Variants in KCNH8 observed in about 807,000 individuals in gnomAD.
KCNH8 encodes the protein voltage-gated delayed rectifier potassium channel KCNH8.
Under a neutral mutation model 103.6 loss-of-function variants are expected in KCNH8, and 70 were observed. That is an observed-to-expected ratio of 0.68 (90% CI 0.56 to 0.82). The LOEUF (loss-of-function observed/expected upper bound fraction) is 0.82. Ranked by LOEUF, KCNH8 falls within the 40% of genes least tolerant of loss-of-function variation. The probability of loss-of-function intolerance (pLI) is 0.00; values close to 1 mark genes in which losing one functional copy is unlikely to be tolerated. For missense variants in KCNH8, 1,217 were observed against 1,329.9 expected, an observed-to-expected ratio of 0.92 and a Z score of 1.32; for synonymous variants, 498 against 489.4, an observed-to-expected ratio of 1.02 and a Z score of -0.23.
intron 1 of KCNH8, among the ~76,000 whole-genome samples, chr3:19,155,314 C>T (rs1463252880): frequency 1.3e-5 from 2 of 152,032 alleles, no homozygotes; most frequent in Non-Finnish European, 2.9e-5. Context: ...GCAGAAATGC[C>T]CTAATTTGGT....
At position 19,384,496 on chromosome 3, in the gene KCNH8, G is replaced by A. The variant is rs530462610; in HGVS notation, c.812-5985G>A. ...ATATGTATGAAAAACAATAACATTT[G>A]GGACTTTAAGTTGGCAAAAGTTCAC... On this transcript the variant is annotated intron_variant, in intron 5 of 15. Transcript: ENST00000328405. Among the ~76,000 whole-genome samples, 10 of 152,208 alleles carry A rather than the reference G, an allele frequency of 6.6e-5. No individual in the cohort carries two copies. In the South Asian group the frequency reaches 2.1e-3, roughly 32 times the overall value.
intron 5 of KCNH8, among the ~76,000 whole-genome samples, chr3:19,350,158 TTC>T (rs1435888068): frequency 3.3e-5 from 5 of 152,262 alleles, no homozygotes; most frequent in Admixed American, 1.3e-4. Context: ...AAATTAATAT[TTC>T]TCTGTTTCCC....
intron 1 of KCNH8, among the ~76,000 whole-genome samples, chr3:19,165,967 T>C (rs116392228): frequency 0.045 from 6,914 of 152,248 alleles, 509 homozygotes; most frequent in African/African-American, 0.15. Context: ...ATAACACAAA[T>C]GATTTTCAAG....
intron 11 of KCNH8, among the ~76,000 whole-genome samples, chr3:19,468,947 CTTATT>C (rs2067799113): frequency 1.3e-5 from 2 of 152,258 alleles, no homozygotes; most frequent in South Asian, 2.1e-4. Flanking sequence ...CAAGAAGAGA[CTTATT>C]TTAAATTTAG....
At chr3:19,376,200 C>T (rs528094215) in intron 5 of KCNH8, among the ~76,000 whole-genome samples, 7 of 152,324 alleles carry the variant, frequency 4.6e-5, no homozygotes, top group African/African-American at 7.2e-5. Context: ...CCCCCAGCCT[C>T]GCTGCCGCCT....
rs548985664 is a variant in KCNH8, at chr3:19,525,737, C to G, written c.2620-7658C>G. On this transcript the variant is annotated intron_variant, in intron 15 of 15. Coordinates refer to ENST00000328405, the MANE Select transcript of KCNH8 (RefSeq NM_144633.3). ...ATAATTTAAGAGACGTCGGCTGCAC[C>G]TGCAAAAGTAAAACCCTGGTTAGTA... 2.6e-5 allele frequency among the ~76,000 whole-genome samples: 4 copies of G among 152,022 alleles called. No individual in the cohort carries two copies. The East Asian group carries it at 7.8e-4, about 30-fold the overall frequency.
At chr3:19,163,596 G>A (rs1345038914) in intron 1 of KCNH8, among the ~76,000 whole-genome samples, 1 of 151,992 alleles carries the variant, frequency 6.6e-6, no homozygotes, top group African/African-American at 2.4e-5. Context: ...TATCTTCTGA[G>A]GTAGATTGAT....
chr3:19,156,106 C>T (rs1333569957), intron 1 of KCNH8, among the ~76,000 whole-genome samples: 1 of 152,156 alleles, frequency 6.6e-6, no homozygotes, highest in Non-Finnish European at 1.5e-5. Context: ...CTTCCAGCCT[C>T]TTATTTTCAC....
chr3:19,409,011 T>A (rs1478908490), intron 7 of KCNH8, among the ~76,000 whole-genome samples: 1 of 151,952 alleles, frequency 6.6e-6, no homozygotes, highest in Non-Finnish European at 1.5e-5. Flanking sequence ...ATATAAGAAA[T>A]TCAGAGAACA....
At chr3:19,344,781 A>T (rs1184750950) in intron 4 of KCNH8, among the ~76,000 whole-genome samples, 2 of 152,154 alleles carry the variant, frequency 1.3e-5, no homozygotes, top group Non-Finnish European at 2.9e-5. Context: ...TTAACATTTT[A>T]TAGCCCTTTG....
At chr3:19,249,416 A>C (rs2064248358) in intron 1 of KCNH8, among the ~76,000 whole-genome samples, 1 of 152,230 alleles carries the variant, frequency 6.6e-6, no homozygotes, top group Non-Finnish European at 1.5e-5. Context: ...CATCGAGGAC[A>C]AGTGCTAAAT....
At chr3:19,154,965 C>T (rs991591643) in intron 1 of KCNH8, among the ~76,000 whole-genome samples, 1 of 152,182 alleles carries the variant, frequency 6.6e-6, no homozygotes, top group African/African-American at 2.4e-5. Flanking sequence ...TCAACTTCAC[C>T]TATGACCTAG....
chr3:19,468,611 A>G (rs995694559), intron 11 of KCNH8, among the ~76,000 whole-genome samples: 12 of 152,236 alleles, frequency 7.9e-5, no homozygotes, highest in Non-Finnish European at 1.6e-4. Context: ...AATCTGAGTA[A>G]TATTTCTCCA....
chr3:19,244,757 C>T (rs988003799), intron 1 of KCNH8, among the ~76,000 whole-genome samples: 5 of 151,990 alleles, frequency 3.3e-5, no homozygotes, highest in Admixed American at 2.0e-4. Context: ...TTATTGGCCA[C>T]TTGCATGTCT....
intron 11 of KCNH8, among the ~76,000 whole-genome samples, chr3:19,459,795 T>C (rs1261084902): frequency 2.0e-5 from 3 of 152,124 alleles, no homozygotes; most frequent in African/African-American, 7.2e-5. Context: ...AAAGATCTAA[T>C]TTTATTCTTC....
rs139333724 is a variant in KCNH8 at position 19,423,764 on chromosome 3, G to A, written c.1178-14400G>A. On this transcript the variant is annotated intron_variant, in intron 7 of 15. Coordinates refer to ENST00000328405, the MANE Select transcript of KCNH8 (RefSeq NM_144633.3). ...ACATTTGTGTGCAAGTGTCTTTTTC[G>A]TATAATGACTTCTTTTCCTCTGAGT... Among the ~76,000 whole-genome samples, 129 of 152,048 alleles carry A rather than the reference G, an allele frequency of 8.5e-4. No individual in the cohort carries two copies. The East Asian group carries it at 0.019, about 22-fold the overall frequency.
intron 3 of KCNH8, among the ~76,000 whole-genome samples, chr3:19,302,158 C>T (rs982509448): frequency 1.3e-5 from 2 of 152,132 alleles, no homozygotes; most frequent in Non-Finnish European, 2.9e-5. Flanking sequence ...AAGGTTCCAA[C>T]CCTCCAATCA....
chr3:19,266,916 A>G (rs1162763991), intron 2 of KCNH8, among the ~76,000 whole-genome samples: 1 of 152,080 alleles, frequency 6.6e-6, no homozygotes, highest in Admixed American at 6.6e-5. Context: ...CTTAGAGAAC[A>G]TATTTCAATT....
At chr3:19,390,179 T>C (rs2066415847) in intron 5 of KCNH8, among the ~76,000 whole-genome samples, 1 of 152,104 alleles carries the variant, frequency 6.6e-6, no homozygotes, top group South Asian at 2.1e-4. Flanking sequence ...AATCTTAACA[T>C]GTAGCTTCAT....
Sources: gnomAD v4.1 joint callset for allele counts (sites outside exome capture counted in the v4.1 genomes callset) on GRCh38, gnomAD v4.1.1 for gene constraint, MANE v1.5 for transcripts, NCBI Gene and HGNC (gene_info 2026-07-23, HGNC 2026-07-21) for gene names.